CR1: variants seen among roughly 807,000 people sequenced by gnomAD.
CR1 encodes the protein complement receptor type 1.
Under a neutral mutation model 187.3 loss-of-function variants are expected in CR1, and 116 were observed. That is an observed-to-expected ratio of 0.62 (90% CI 0.53 to 0.72). The LOEUF is 0.72. Among genes scored for constraint, CR1 ranks in the 30% least tolerant of loss-of-function variants. CR1 has a pLI of 0.00. For synonymous variants in CR1, 576 were observed against 747.1 expected (o/e 0.77, Z 3.73); for missense variants, 1,731 against 2,110.7 (o/e 0.82, Z 3.52).
At chr1:207,597,715 T>C (rs1661489071) in intron 35 of CR1, among the ~76,000 whole-genome samples, 1 of 152,166 alleles carries the variant, frequency 6.6e-6, no homozygotes, top group South Asian at 2.1e-4. Flanking sequence ...AAACATAGAA[T>C]TACCATATAA....
chr1:207,503,563 C>T (rs1056576309), intron 1 of CR1, among the ~76,000 whole-genome samples: 11 of 152,146 alleles, frequency 7.2e-5, no homozygotes, highest in African/African-American at 2.2e-4. Flanking sequence ...CAAACCAGCA[C>T]CATAGTGTCT....
intron 1 of CR1, among the ~76,000 whole-genome samples, chr1:207,498,890 A>AAAAAAAAAAAAAAAAAC (rs911285366): frequency 6.7e-6 from 1 of 149,322 alleles, no homozygotes; most frequent in Non-Finnish European, 1.5e-5. Context: ...AAAAAAAAAA[A>AAAAAAAAAAAAAAAAAC]AAAGAAACAA....
intron 1 of CR1, among the ~76,000 whole-genome samples, chr1:207,497,795 CA>C (rs149480065): frequency 2.2e-4 from 33 of 148,832 alleles, no homozygotes; most frequent in African/African-American, 7.9e-4. Context: ...CTATTAATTG[CA>C]AAAAAAAAAT....
intron 46 of CR1, 112 bp downstream of exon 46, chr1:207,630,733 T>C: frequency 1.7e-6 from 1 of 604,450 alleles, no homozygotes; most frequent in Admixed American, 3.9e-5. Flanking sequence ...CCAAAGAATT[T>C]AGAAAGTACT....
At chr1:207,618,723 A>G (rs1292370972) in intron 42 of CR1, among the ~76,000 whole-genome samples, 1 of 152,148 alleles carries the variant, frequency 6.6e-6, no homozygotes, top group Admixed American at 6.5e-5. Context: ...CTGGGCAGAA[A>G]AAGAAAGTAA....
chr1:207,581,152 AC>A (rs1468812305), intron 31 of CR1, among the ~76,000 whole-genome samples: 1 of 152,098 alleles, frequency 6.6e-6, no homozygotes, highest in East Asian at 1.9e-4. Context: ...GTATATGTAT[AC>A]GTATACATGT....
At chr1:207,575,572 G>A in intron 27 of CR1, 23 bp from the exon 28 acceptor site, 1 of 1,611,780 alleles carries the variant, frequency 6.2e-7, no homozygotes, top group South Asian at 1.1e-5. Flanking sequence ...ACAGGACAAT[G>A]ATTTTCCATT....
chr1:207,626,249 A>T (rs1266349420), intron 45 of CR1, among the ~76,000 whole-genome samples: 2 of 152,186 alleles, frequency 1.3e-5, no homozygotes, highest in Non-Finnish European at 1.5e-5. Flanking sequence ...ACAAAACACC[A>T]CTGATTTTCA....
Position 207,615,087 on chromosome 1 carries a change from G to T in CR1, c.6661+598G>T, listed in dbSNP as rs546484475. On this transcript the variant is annotated intron_variant, in intron 40 of 46. Transcript: ENST00000367049. ...GCCTCCAAAAGTGTTAGGATTACAA[G>T]TGCGAGCCACCATGCCCAGCCAAAT... is the stretch of plus-strand genomic sequence containing the variant. 2.0e-5 allele frequency among the ~76,000 whole-genome samples: 3 copies of T among 152,302 alleles called. No homozygotes were observed. In the East Asian group the frequency reaches 5.8e-4, roughly 29 times the overall value.
At chr1:207,593,639 C>G (rs996586379) in intron 35 of CR1, among the ~76,000 whole-genome samples, 2 of 152,162 alleles carry the variant, frequency 1.3e-5, no homozygotes. Flanking sequence ...AGCTTCTGCA[C>G]AGCAAGAGAA....
chr1:207,637,223 C>T (rs1359614757), intron 46 of CR1, among the ~76,000 whole-genome samples: 2 of 152,152 alleles, frequency 1.3e-5, no homozygotes, highest in Non-Finnish European at 2.9e-5. Context: ...TTATGTTTGT[C>T]TAAACTTTCT....
At chr1:207,575,857 A>G (rs1191350713) in intron 28 of CR1, among the ~76,000 whole-genome samples, 177 bp downstream of exon 28, 9 of 151,902 alleles carry the variant, frequency 5.9e-5, no homozygotes, top group Non-Finnish European at 1.2e-4. Context: ...TCACCTAGAA[A>G]TGCTTTTTTT....
intron 39 of CR1, among the ~76,000 whole-genome samples, chr1:207,613,934 A>G (rs1230041184): frequency 3.3e-5 from 5 of 152,138 alleles, no homozygotes; most frequent in Non-Finnish European, 5.9e-5. Context: ...CAAGAAGAAC[A>G]GTGCCCGTTC....
Position 207,630,600 on chromosome 1 carries a change from A to G in CR1, c.7436A>G (p.Gln2479Arg), listed in dbSNP as rs776850333. The change falls in exon 46 of 47, where the codon CAA becomes CGA. Residue 2479 changes from glutamine to arginine, a missense_variant. Physicochemically the swap from Gln to Arg is conservative, Grantham distance 43. This residue lies in a region of CR1 where 1,312 missense variants were observed against 1,379.6 expected (regional missense o/e 0.95). Transcript: ENST00000367049. ...GGSSVHPRTL[Q>R]TNEENSRVLP ...AGCAGCGTTCATCCCCGAACTCTGC[A>G]AACAAATGAAGAAAATAGCAGGTAC... 1 of 1,604,324 alleles carries G rather than the reference A, an allele frequency of 6.2e-7. No individual in the cohort carries two copies. Among genetic ancestry groups the G allele is most frequent in the Non-Finnish European group, 8.5e-7 (1 of 1,176,178 alleles).
intron 42 of CR1, among the ~76,000 whole-genome samples, chr1:207,618,781 C>G (rs1662221414): frequency 6.6e-6 from 1 of 152,136 alleles, no homozygotes. Context: ...TGCGGTGGCT[C>G]ACACCTGTAA....
At chr1:207,504,561 T>G (rs1269058594) in intron 1 of CR1, among the ~76,000 whole-genome samples, 2 of 152,088 alleles carry the variant, frequency 1.3e-5, no homozygotes, top group Non-Finnish European at 2.9e-5. Context: ...AAGATTTGAA[T>G]AAATATTAAC....
In CR1 at chr1:207,545,410, A is replaced by G. The variant is rs757285821; in HGVS notation, c.2339A>G (p.Tyr780Cys). The G allele has an allele frequency of 4.9e-6, 5 of 1,020,038 alleles. 2 individuals carry two copies. Among genetic ancestry groups the G allele is most frequent in the Non-Finnish European group, 7.1e-6 (5 of 707,122 alleles). The allele number at this position is 1,020,038 out of a possible 1,614,324, so 63.2% of individuals were successfully genotyped here. ...GTGTTCTACAGCTGTGAGCCCGGCTACGACCTCAGAGGGGCTGCGTCTATG... is the reference window on the plus strand; with the variant it reads ...GTGTTCTACAGCTGTGAGCCCGGCTGCGACCTCAGAGGGGCTGCGTCTATG... ...QEVFYSCEPGYDLRGAASMRC... is the reference protein window; with the variant it reads ...QEVFYSCEPGCDLRGAASMRC... Residue 780 changes from tyrosine (Y) to cysteine (C), a missense_variant, in exon 14 of 47, where the codon TAC (tyrosine) becomes TGC (cysteine). By Grantham distance (194) the Tyr-to-Cys change is radical. Transcript: ENST00000367049.
chr1:207,500,600 A>G (rs7533520), intron 1 of CR1, among the ~76,000 whole-genome samples: 131,002 of 152,272 alleles, frequency 0.86, 56,852 homozygotes, highest in African/African-American at 0.96. Flanking sequence ...CACTAGAATG[A>G]CTAAAATGAA....
chr1:207,595,285 G>A (rs1661396544), intron 35 of CR1, among the ~76,000 whole-genome samples: 1 of 151,548 alleles, frequency 6.6e-6, no homozygotes, highest in Non-Finnish European at 1.5e-5. Flanking sequence ...AGAAATTCCA[G>A]AAAAAATAAA....
Sources: allele counts gnomAD v4.1 joint callset (sites outside exome capture counted in the v4.1 genomes callset), GRCh38; gene constraint gnomAD v4.1.1; regional missense constraint gnomAD v4.1.1; transcripts MANE v1.5; gene names NCBI Gene and HGNC (gene_info 2026-07-23, HGNC 2026-07-21).